Variants in STXBP5L observed in about 807,000 individuals in gnomAD.
STXBP5L encodes syntaxin binding protein 5L.
STXBP5L carries 65 observed loss-of-function variants against 144.5 expected under a neutral mutation model. The ratio of observed to expected loss-of-function variants is 0.45; its 90% CI spans 0.37 to 0.55. STXBP5L has a LOEUF of 0.55. STXBP5L is among the 20% of genes least tolerant of loss of function. The probability of loss-of-function intolerance (pLI) is 0.00; values close to 1 mark genes in which losing one functional copy is unlikely to be tolerated. For missense variants in STXBP5L, 1,298 were observed against 1,405.5 expected (o/e 0.92, Z 1.22); for synonymous variants, 505 against 469.6 (o/e 1.08, Z -0.97).
chr3:121,398,423 G>T (rs1228793496), intron 22 of STXBP5L, among the ~76,000 whole-genome samples: 1 of 152,214 alleles, frequency 6.6e-6, no homozygotes, highest in Non-Finnish European at 1.5e-5. Flanking sequence ...GGCCTGAGCT[G>T]GAAATGCCCC....
intron 15 of STXBP5L, among the ~76,000 whole-genome samples, chr3:121,253,303 C>G (rs2050086896): frequency 6.6e-6 from 1 of 151,408 alleles, no homozygotes; most frequent in African/African-American, 2.4e-5. Context: ...CAACCAGATT[C>G]TCCAAATATT....
intron 5 of STXBP5L, among the ~76,000 whole-genome samples, chr3:121,062,434 T>A (rs1164653594): frequency 6.6e-6 from 1 of 152,188 alleles, no homozygotes; most frequent in Non-Finnish European, 1.5e-5. Context: ...ATGTTAAACA[T>A]TTTTTCCTTC....
intron 9 of STXBP5L, among the ~76,000 whole-genome samples, chr3:121,189,916 A>C (rs922361578): frequency 2.0e-4 from 31 of 152,224 alleles, no homozygotes; most frequent in Middle Eastern, 3.4e-3. Flanking sequence ...TCAATCTCTC[A>C]TTATTCCTGT....
intron 5 of STXBP5L, among the ~76,000 whole-genome samples, chr3:121,105,822 A>G (rs2043677017): frequency 6.6e-6 from 1 of 152,192 alleles, no homozygotes; most frequent in Non-Finnish European, 1.5e-5. Flanking sequence ...ACATTAATTA[A>G]TATTGATTTA....
intron 7 of STXBP5L, among the ~76,000 whole-genome samples, chr3:121,149,978 T>C (rs1018101621): frequency 1.3e-5 from 2 of 152,268 alleles, no homozygotes; most frequent in East Asian, 3.9e-4. Context: ...TTAAGATTCA[T>C]CTGTGTCTTG....
At chr3:121,038,727 C>T (rs1946934340) in intron 3 of STXBP5L, among the ~76,000 whole-genome samples, 2 of 151,690 alleles carry the variant, frequency 1.3e-5, no homozygotes, top group Admixed American at 6.6e-5. Context: ...TCATCTGTTT[C>T]TCTTTGTGGT....
chr3:121,310,930 A>C (rs1027088831), intron 19 of STXBP5L, among the ~76,000 whole-genome samples: 2 of 152,154 alleles, frequency 1.3e-5, no homozygotes, highest in African/African-American at 4.8e-5. Context: ...GACACCATTA[A>C]GCAAATTAAA....
intron 5 of STXBP5L, among the ~76,000 whole-genome samples, chr3:121,094,793 G>T (rs181379343): frequency 7.2e-5 from 11 of 152,098 alleles, no homozygotes; most frequent in East Asian, 1.9e-4. Context: ...ATATTGTTAT[G>T]TGTGAATTTG....
chr3:121,212,324 C>A (rs1282413052), intron 10 of STXBP5L, among the ~76,000 whole-genome samples: 1 of 152,102 alleles, frequency 6.6e-6, no homozygotes, highest in Admixed American at 6.5e-5. Context: ...CCTAGGTTTT[C>A]TTCTAGGGTT....
At chr3:121,258,993 G>A in intron 17 of STXBP5L, 50 bp from the exon 18 acceptor site, 1 of 1,485,178 alleles carries the variant, frequency 6.7e-7, no homozygotes, top group Non-Finnish European at 9.0e-7. Flanking sequence ...AGATAAGTTT[G>A]ACCATGTTTA....
At chr3:121,379,724 T>A (rs1381914692) in intron 21 of STXBP5L, among the ~76,000 whole-genome samples, 1 of 152,178 alleles carries the variant, frequency 6.6e-6, no homozygotes, top group Non-Finnish European at 1.5e-5. Flanking sequence ...TCTGTGAGTA[T>A]CAACTTTGTA....
intron 2 of STXBP5L, among the ~76,000 whole-genome samples, chr3:120,951,152 T>A (rs1293951420): frequency 1.3e-5 from 2 of 151,914 alleles, no homozygotes; most frequent in Non-Finnish European, 2.9e-5. Flanking sequence ...AAAAATCAAT[T>A]CAAGATGGAT....
intron 2 of STXBP5L, among the ~76,000 whole-genome samples, chr3:120,916,536 G>A (rs1055279299): frequency 6.6e-6 from 1 of 152,058 alleles, no homozygotes; most frequent in Admixed American, 6.6e-5. Context: ...CCTGACCTCA[G>A]GTGATCCGCC....
intron 9 of STXBP5L, among the ~76,000 whole-genome samples, chr3:121,167,329 C>A (rs998134225): frequency 6.6e-6 from 1 of 151,874 alleles, no homozygotes; most frequent in African/African-American, 2.4e-5. Context: ...AAATTAACAA[C>A]CATTGGAATC....
At chr3:121,143,678 A>ACATTTCTAC (rs1212199577) in intron 7 of STXBP5L, among the ~76,000 whole-genome samples, 1 of 151,902 alleles carries the variant, frequency 6.6e-6, no homozygotes, top group African/African-American at 2.4e-5. Context: ...GATCTTTGAC[A>ACATTTCTAC]AGGGTGCCAA....
chr3:121,109,255 GT>G (rs1231978135), intron 5 of STXBP5L, among the ~76,000 whole-genome samples: 1 of 152,014 alleles, frequency 6.6e-6, no homozygotes, highest in Non-Finnish European at 1.5e-5. Flanking sequence ...TCTGATCTTG[GT>G]TATTTCTTGT....
chr3:121,116,176 A>C (rs1228104971), intron 6 of STXBP5L, among the ~76,000 whole-genome samples: 1 of 152,144 alleles, frequency 6.6e-6, no homozygotes, highest in East Asian at 1.9e-4. Flanking sequence ...TATGCTCTCT[A>C]CATATTAGGT....
intron 3 of STXBP5L, among the ~76,000 whole-genome samples, chr3:121,001,315 A>G (rs1240940873): frequency 2.6e-5 from 4 of 152,214 alleles, no homozygotes; most frequent in Non-Finnish European, 5.9e-5. Flanking sequence ...CTGAGGCTAC[A>G]CTGCAAGTGG....
At chr3:121,350,797 G>GT (rs2108611275) in intron 20 of STXBP5L, among the ~76,000 whole-genome samples, 1 of 152,252 alleles carries the variant, frequency 6.6e-6, no homozygotes, top group East Asian at 1.9e-4. Context: ...TCATGCCATG[G>GT]TTTTCAGCTC....
Sources: gnomAD v4.1 joint callset for allele counts (sites outside exome capture counted in the v4.1 genomes callset) on GRCh38, gnomAD v4.1.1 for gene constraint, MANE v1.5 for transcripts, NCBI Gene and HGNC (gene_info 2026-07-23, HGNC 2026-07-21) for gene names.